The following HDAC9 variants were observed in gnomAD, a reference collection of about 807,000 sequenced individuals.
The protein encoded by HDAC9 is MEF-2 interacting transcription repressor (MITR) protein.
In HDAC9, 41 loss-of-function variants were observed where a neutral mutation model predicts 139.4. That is an observed-to-expected ratio of 0.29 (90% CI 0.23 to 0.38). The LOEUF (loss-of-function observed/expected upper bound fraction) is 0.38, where lower values mean the gene tolerates loss of function less well. HDAC9 is among the 10% of genes least tolerant of loss of function. The pLI is 1.00. For missense variants in HDAC9, 1,147 were observed against 1,297.0 expected (o/e 0.88, Z 1.78); for synonymous variants, 517 against 476.2 (o/e 1.09, Z -1.12).
chr7:18,923,267 C>G (rs543536441), intron 22 of HDAC9, among the ~76,000 whole-genome samples: 55 of 152,202 alleles, frequency 3.6e-4, no homozygotes, highest in African/African-American at 1.3e-3. Flanking sequence ...TAAACTCACA[C>G]TCTAAGGTTA....
intron 2 of HDAC9, among the ~76,000 whole-genome samples, chr7:18,217,197 C>A (rs1270166849): frequency 6.6e-6 from 1 of 151,976 alleles, no homozygotes; most frequent in Non-Finnish European, 1.5e-5. Flanking sequence ...AAAATTCATT[C>A]TTTAACAACC....
At chr7:18,995,240 C>T (rs1230004660) in intron 25 of HDAC9, among the ~76,000 whole-genome samples, 1 of 152,166 alleles carries the variant, frequency 6.6e-6, no homozygotes, top group Admixed American at 6.5e-5. Context: ...TCAATTCACC[C>T]GGCATCTCAT....
chr7:18,128,125 G>A (rs1004696472), intron 1 of HDAC9, among the ~76,000 whole-genome samples: 2 of 152,066 alleles, frequency 1.3e-5, no homozygotes, highest in Admixed American at 1.3e-4. Context: ...TCTCAGTGAA[G>A]CTAATCCAAG....
At chr7:18,675,361 G>A (rs968937553) in intron 12 of HDAC9, among the ~76,000 whole-genome samples, 18 of 151,982 alleles carry the variant, frequency 1.2e-4, no homozygotes, top group African/African-American at 3.9e-4. Context: ...GTAAATTACC[G>A]AATTCTGCCA....
rs1267245663 is a variant in HDAC9 at position 18,179,234 on chromosome 7, C to T, written c.25+16885C>T. On this transcript the variant is annotated intron_variant, in intron 2 of 12. Transcript: ENST00000417496. ...ACACACATAGCAAGTATGTCTTTAC[C>T]CTGACTGATGCAATAGTCCAGCCTC... 2.0e-5 allele frequency among the ~76,000 whole-genome samples: 3 copies of T among 152,262 alleles called. No individual in the cohort carries two copies. The East Asian group carries it at 5.8e-4, about 29-fold the overall frequency.
At chr7:18,611,741 A>G (rs189676052) in intron 6 of HDAC9, among the ~76,000 whole-genome samples, 1 of 152,266 alleles carries the variant, frequency 6.6e-6, no homozygotes, top group Non-Finnish European at 1.5e-5. Flanking sequence ...GTGACTTATA[A>G]CAGTTTAGGT....
Position 18,737,551 on chromosome 7 carries a change from G to T in HDAC9, c.1909+9794G>T, listed in dbSNP as rs538628072. 4.6e-5 allele frequency among the ~76,000 whole-genome samples: 7 copies of T among 151,218 alleles called. No individual in the cohort carries two copies. The South Asian group carries it at 8.3e-4, about 18-fold the overall frequency. On this transcript the variant is annotated intron_variant, in intron 13 of 25. Coordinates refer to ENST00000686413, the MANE Select transcript of HDAC9 (RefSeq NM_178425.4). The stretch of plus-strand genomic sequence containing the variant: ...CCATGTAGTTGTCCAGTTTTGATTA[G>T]AATATAGTTTTCATTAGAATTAATT...
intron 12 of HDAC9, among the ~76,000 whole-genome samples, chr7:18,694,993 T>C (rs930881858): frequency 6.6e-6 from 1 of 152,206 alleles, no homozygotes; most frequent in Non-Finnish European, 1.5e-5. Flanking sequence ...ATTTTCCTCA[T>C]GCTTTATCTA....
chr7:18,492,420 T>C (rs1796439884), upstream of HDAC9, among the ~76,000 whole-genome samples: 1 of 151,980 alleles, frequency 6.6e-6, no homozygotes, highest in Admixed American at 6.6e-5. Context: ...AGAAAGAAAT[T>C]GGATTATGGT....
intron 1 of HDAC9, among the ~76,000 whole-genome samples, chr7:18,490,156 C>T (rs1221340898): frequency 1.3e-5 from 2 of 151,990 alleles, no homozygotes; most frequent in Admixed American, 1.3e-4. Context: ...TGTGTAACTC[C>T]TGCTTTTGAA....
chr7:18,245,529 A>G (rs1332442685), intron 2 of HDAC9, among the ~76,000 whole-genome samples: 1 of 152,150 alleles, frequency 6.6e-6, no homozygotes, highest in African/African-American at 2.4e-5. Flanking sequence ...TGACCTCCCA[A>G]TGCAAAGGCC....
chr7:18,498,982 T>C (rs1797675289), intron 2 of HDAC9, among the ~76,000 whole-genome samples: 1 of 152,118 alleles, frequency 6.6e-6, no homozygotes, highest in Admixed American at 6.6e-5. Flanking sequence ...TTTGCCTTAG[T>C]TATCTTATAA....
At chr7:18,432,046 C>G (rs572623270) in intron 1 of HDAC9, among the ~76,000 whole-genome samples, 1 of 152,186 alleles carries the variant, frequency 6.6e-6, no homozygotes, top group African/African-American at 2.4e-5. Context: ...GTATCCATGC[C>G]TTTGTGCCTT....
intron 1 of HDAC9, among the ~76,000 whole-genome samples, chr7:18,138,896 A>G (rs1320493050): frequency 6.6e-6 from 1 of 152,116 alleles, no homozygotes; most frequent in Non-Finnish European, 1.5e-5. Context: ...ACTCTAGAAT[A>G]ATGATTCTAG....
At chr7:18,649,910 A>C (rs1036822948) in intron 11 of HDAC9, among the ~76,000 whole-genome samples, 1 of 151,582 alleles carries the variant, frequency 6.6e-6, no homozygotes, top group South Asian at 2.1e-4. Context: ...GGCAGGGACA[A>C]CTCTCTCTCT....
At chr7:18,431,759 T>A (rs111249522) in intron 1 of HDAC9, among the ~76,000 whole-genome samples, 321 of 152,266 alleles carry the variant, frequency 2.1e-3, no homozygotes, top group African/African-American at 7.2e-3. Flanking sequence ...TAAAATACGA[T>A]TGTGGGTATG....
chr7:18,122,629 T>G (rs772815527), intron 1 of HDAC9, among the ~76,000 whole-genome samples: 9 of 152,314 alleles, frequency 5.9e-5, no homozygotes, highest in Admixed American at 1.3e-4. Context: ...TTTTGTGGTG[T>G]TGTTTTTGAG....
At chr7:18,977,529 G>A (rs1784620733) in intron 25 of HDAC9, among the ~76,000 whole-genome samples, 1 of 152,162 alleles carries the variant, frequency 6.6e-6, no homozygotes, top group Admixed American at 6.6e-5. Flanking sequence ...AGTTTGGCAG[G>A]AATTGGCCCT....
At chr7:18,295,272 G>A (rs1367478029) in intron 1 of HDAC9, among the ~76,000 whole-genome samples, 3 of 152,052 alleles carry the variant, frequency 2.0e-5, no homozygotes, top group African/African-American at 7.2e-5. Flanking sequence ...GAAAGTTGTA[G>A]TTTTTAAGGA....
Sources: gnomAD v4.1 joint callset for allele counts (sites outside exome capture counted in the v4.1 genomes callset) on GRCh38, gnomAD v4.1.1 for gene constraint, MANE v1.5 for transcripts, NCBI Gene and HGNC (gene_info 2026-07-23, HGNC 2026-07-21) for gene names.